ROBO1: variants seen among roughly 807,000 people sequenced by gnomAD.
ROBO1 encodes roundabout guidance receptor 1, also known as roundabout homolog 1.
A neutral mutation model predicts 195.9 loss-of-function variants in ROBO1; 149 were observed. The ratio of observed to expected loss-of-function variants is 0.76; its 90% CI spans 0.67 to 0.87. ROBO1 has a LOEUF of 0.87. Ranked by LOEUF, ROBO1 falls within the 40% of genes least tolerant of loss-of-function variation. ROBO1 has a pLI of 0.00. For synonymous variants in ROBO1, 816 were observed against 733.2 expected, an observed-to-expected ratio of 1.11 and a Z score of -1.82; for missense variants, 1,933 against 2,068.3, an observed-to-expected ratio of 0.93 and a Z score of 1.27.
At chr3:79,316,477 T>C (rs1016390624) in intron 2 of ROBO1, among the ~76,000 whole-genome samples, 2 of 152,176 alleles carry the variant, frequency 1.3e-5, no homozygotes, top group African/African-American at 4.8e-5. Flanking sequence ...TAAAATTTCA[T>C]CTTTAATTAT....
intron 3 of ROBO1, among the ~76,000 whole-genome samples, chr3:79,023,329 ATTTTCCTAAG>A (rs1434215644): frequency 6.6e-6 from 1 of 152,160 alleles, no homozygotes; most frequent in African/African-American, 2.4e-5. Flanking sequence ...ATGTTTGAAT[ATTTTCCTAAG>A]TTTGGATATG....
At chr3:79,337,290 C>A (rs531544963) in intron 2 of ROBO1, among the ~76,000 whole-genome samples, 40 of 152,144 alleles carry the variant, frequency 2.6e-4, no homozygotes, top group Admixed American at 9.8e-4. Context: ...TGTGTTCCCA[C>A]CCACAATCTC....
Position 78,746,884 on chromosome 3 carries a change from GAA to G in ROBO1, c.514_515del (p.Phe172GlnfsTer27). 6.4e-7 allele frequency: 1 copy of G among 1,571,326 alleles called. No homozygotes were observed. Among genetic ancestry groups the G allele is most frequent in the Non-Finnish European group, 8.7e-7 (1 of 1,152,836 alleles). ...SLEVAILRDD[F>X]RQNPSDVMVA... ...CCATGACATCCGAAGGGTTTTGTCTGAAGTCATCCCGAAGTACTGTAGGAACA... is the reference window on the plus strand; with the variant it reads ...CCATGACATCCGAAGGGTTTTGTCTGGTCATCCCGAAGTACTGTAGGAACA... On this transcript the variant is annotated frameshift_variant, in exon 5 of 31. Coordinates refer to ENST00000464233, the MANE Select transcript of ROBO1 (RefSeq NM_002941.4). LOFTEE classifies it high-confidence loss of function.
intron 8 of ROBO1, among the ~76,000 whole-genome samples, chr3:78,693,860 T>C (rs2081229920): frequency 6.6e-6 from 1 of 152,170 alleles, no homozygotes; most frequent in Non-Finnish European, 1.5e-5. Flanking sequence ...ATGCTTCTCA[T>C]ACGCAAATAG....
chr3:79,467,909 G>A (rs1257741220), intron 2 of ROBO1, among the ~76,000 whole-genome samples: 1 of 152,170 alleles, frequency 6.6e-6, no homozygotes, highest in Non-Finnish European at 1.5e-5. Flanking sequence ...CAGAAAAACA[G>A]ATGAACAGAT....
intron 10 of ROBO1, among the ~76,000 whole-genome samples, chr3:78,680,939 T>C (rs2080887646): frequency 6.7e-6 from 1 of 150,322 alleles, no homozygotes; most frequent in African/African-American, 2.5e-5. Context: ...AACCCAAATG[T>C]CCAACAATGA....
rs551715520 is a variant in ROBO1, at chr3:79,230,305, G to A, written c.89-104766C>T. Among the ~76,000 whole-genome samples, 19 of 152,106 alleles carry A rather than the reference G, an allele frequency of 1.2e-4. No homozygotes were observed. In the East Asian group the frequency reaches 3.7e-3, roughly 29 times the overall value. ...ATAATAACATAACATAATTATACAT[G>A]TTTTACACTATTTTTAAACTATCAG... On this transcript the variant is annotated intron_variant, in intron 2 of 30. Coordinates refer to ENST00000464233, the MANE Select transcript of ROBO1 (RefSeq NM_002941.4).
intron 26 of ROBO1, among the ~76,000 whole-genome samples, chr3:78,621,366 T>G (rs1425539516): frequency 6.6e-6 from 1 of 152,194 alleles, no homozygotes; most frequent in Non-Finnish European, 1.5e-5. Context: ...GAGACTATTT[T>G]GACCATCAAT....
intron 3 of ROBO1, among the ~76,000 whole-genome samples, chr3:78,987,261 T>C (rs1407038887): frequency 6.6e-6 from 1 of 152,032 alleles, no homozygotes; most frequent in African/African-American, 2.4e-5. Context: ...AAGTATATGT[T>C]TCTTTGGAGC....
chr3:78,914,523 A>G (rs1405662260), intron 4 of ROBO1, among the ~76,000 whole-genome samples: 1 of 151,948 alleles, frequency 6.6e-6, no homozygotes, highest in Non-Finnish European at 1.5e-5. Flanking sequence ...TTGGGCTCCA[A>G]TGGCTCCAAG....
chr3:78,640,323 A>G (rs1185201848), intron 21 of ROBO1, among the ~76,000 whole-genome samples: 1 of 152,200 alleles, frequency 6.6e-6, no homozygotes, highest in African/African-American at 2.4e-5. Context: ...AAAAAATGAA[A>G]CAAGCCTCTT....
At chr3:78,831,570 A>G (rs906385735) in intron 4 of ROBO1, among the ~76,000 whole-genome samples, 2 of 152,212 alleles carry the variant, frequency 1.3e-5, no homozygotes, top group Non-Finnish European at 2.9e-5. Flanking sequence ...AGATTATCCT[A>G]CCTATCAGAA....
intron 2 of ROBO1, among the ~76,000 whole-genome samples, chr3:79,535,710 C>G (rs184867972): frequency 6.6e-6 from 1 of 151,982 alleles, no homozygotes; most frequent in African/African-American, 2.4e-5. Flanking sequence ...GAGATTTACT[C>G]CCTGCCATTT....
At chr3:79,682,404 C>T (rs1039451111) in intron 1 of ROBO1, among the ~76,000 whole-genome samples, 10 of 151,908 alleles carry the variant, frequency 6.6e-5, no homozygotes, top group African/African-American at 2.4e-4. Flanking sequence ...CTAATTTTAA[C>T]CTGTCTGGCT....
rs1209882066 is a variant in ROBO1 at position 78,951,655 on chromosome 3, C to T, written c.173-12728G>A. 5.9e-5 allele frequency among the ~76,000 whole-genome samples: 9 copies of T among 152,092 alleles called. 1 individual carries two copies. The highest frequency in any genetic ancestry group is 5.9e-4 in the Admixed American group (9 of 15,250). On this transcript the variant is annotated intron_variant, in intron 3 of 30. Transcript: ENST00000464233. ...GAGAACTCACTTCAGGCAAGACCAG[C>T]ATCAGGGAAAGCGCAGGGCAGGATT...
intron 2 of ROBO1, among the ~76,000 whole-genome samples, chr3:79,160,269 T>C (rs2080934695): frequency 6.6e-6 from 1 of 150,634 alleles, no homozygotes; most frequent in Admixed American, 6.6e-5. Flanking sequence ...TGTTGTAGCA[T>C]GACTATCAAA....
chr3:79,038,080 AT>A (rs2078413575), intron 3 of ROBO1, among the ~76,000 whole-genome samples: 1 of 152,192 alleles, frequency 6.6e-6, no homozygotes, highest in African/African-American at 2.4e-5. Context: ...GCTCTTAACT[AT>A]TGTACGTCAT....
At chr3:78,985,365 A>T (rs2077083925) in intron 3 of ROBO1, among the ~76,000 whole-genome samples, 1 of 152,158 alleles carries the variant, frequency 6.6e-6, no homozygotes, top group Non-Finnish European at 1.5e-5. Flanking sequence ...TATAATACAT[A>T]TAACATACAA....
chr3:79,546,895 C>G (rs1054658328), intron 2 of ROBO1, among the ~76,000 whole-genome samples: 1 of 152,064 alleles, frequency 6.6e-6, no homozygotes, highest in South Asian at 2.1e-4. Context: ...AAAATACGGA[C>G]TTGAGGCCGG....
Sources: gnomAD v4.1 joint callset for allele counts (sites outside exome capture counted in the v4.1 genomes callset) on GRCh38, gnomAD v4.1.1 for gene constraint, MANE v1.5 for transcripts, NCBI Gene and HGNC (gene_info 2026-07-23, HGNC 2026-07-21) for gene names.